Variants in FNDC1 observed in about 807,000 individuals in gnomAD.
FNDC1 encodes fibronectin type III domain-containing protein 1.
Under a neutral mutation model 168.0 loss-of-function variants are expected in FNDC1, and 96 were observed. The observed-to-expected ratio is 0.57, with a 90% CI of 0.48 to 0.68. FNDC1 has a LOEUF of 0.68. Ranked by LOEUF, FNDC1 falls within the 30% of genes least tolerant of loss-of-function variation. The probability of loss-of-function intolerance (pLI) is 0.00; values close to 1 mark genes in which losing one functional copy is unlikely to be tolerated. For synonymous variants in FNDC1, 1,099 were observed against 1,025.9 expected (o/e 1.07, Z -1.36); for missense variants, 2,587 against 2,482.1 (o/e 1.04, Z -0.90).
intron 4 of FNDC1, among the ~76,000 whole-genome samples, chr6:159,207,098 G>T (rs189217314): frequency 1.3e-5 from 2 of 152,150 alleles, no homozygotes; most frequent in Non-Finnish European, 2.9e-5. Flanking sequence ...AGTCCCTGCT[G>T]GCACCCCCCC....
At chr6:159,251,250 C>T in intron 16 of FNDC1, 52 bp from the exon 17 acceptor site, 1 of 1,358,374 alleles carries the variant, frequency 7.4e-7, no homozygotes, top group Non-Finnish European at 1.0e-6. Flanking sequence ...TATGTTTCTG[C>T]CTCCAGAAAA....
Position 159,200,046 on chromosome 6 carries a change from G to T in FNDC1, c.355G>T (p.Val119Leu). The T allele has an allele frequency of 6.2e-7, 1 of 1,605,224 alleles. No individual in the cohort carries two copies. Among genetic ancestry groups the T allele is most frequent in the Non-Finnish European group, 8.5e-7 (1 of 1,175,688 alleles). ...VLLTAENHSG[V>L]SRPVYRAESP... is the part of the protein sequence containing the mutation. The stretch of plus-strand genomic sequence containing the variant: ...GCTTACTGCAGAAAACCACAGTGGA[G>T]TGAGCCGTCCTGTTTACAGAGCTGA... The change falls in exon 3 of 23, where the codon GTG becomes TTG. Residue 119 changes from valine to leucine, a missense_variant. Transcript: ENST00000297267.
intron 1 of FNDC1, among the ~76,000 whole-genome samples, chr6:159,193,530 C>G (rs957268146): frequency 5.3e-5 from 8 of 152,088 alleles, no homozygotes; most frequent in Non-Finnish European, 1.0e-4. Context: ...TATGGTGCCC[C>G]ATCTACTATG....
At chr6:159,264,411 A>G (rs111959065) in intron 19 of FNDC1, among the ~76,000 whole-genome samples, 2 of 152,232 alleles carry the variant, frequency 1.3e-5, no homozygotes, top group African/African-American at 4.8e-5. Context: ...TGTGTGTATC[A>G]GTAGTTCACT....
intron 5 of FNDC1, among the ~76,000 whole-genome samples, chr6:159,215,435 G>T (rs899325798): frequency 4.6e-5 from 7 of 152,188 alleles, no homozygotes; most frequent in Non-Finnish European, 8.8e-5. Context: ...GGACTTGAGA[G>T]TAGGGCCAGT....
chr6:159,232,490 A>G lies in FNDC1; in HGVS notation c.1978A>G (p.Lys660Glu), dbSNP rs748037410. The G allele has an allele frequency of 3.7e-6, 6 of 1,612,184 alleles. No individual in the cohort carries two copies. Among genetic ancestry groups the G allele is most frequent in the Non-Finnish European group, 5.1e-6 (6 of 1,179,278 alleles). ...DERAVGSLHP[K>E]GAFAQPRPAL... ...GCGCGCTGTGGGCTCCCTCCACCCCAAGGGCGCCTTCGCCCAGCCCCGGCC... is the reference window on the plus strand; with the variant it reads ...GCGCGCTGTGGGCTCCCTCCACCCCGAGGGCGCCTTCGCCCAGCCCCGGCC... The change falls in exon 11 of 23, where the codon AAG becomes GAG. Residue 660 changes from lysine (K) to glutamate (E), a missense_variant. Physicochemically the swap from Lys to Glu is moderately conservative, Grantham distance 56. Coordinates refer to ENST00000297267, the MANE Select transcript of FNDC1 (RefSeq NM_032532.3). This position sits in a 1 kb window ranked among gnomAD's most constrained non-coding sequence, Gnocchi z 4.9.
rs143420843 is a variant in FNDC1, at chr6:159,269,401, CTATGTATG to C, written c.5569+1494_5569+1501del. ...CCCATCCATATATCTATCCATCTGT[CTATGTATG>C]TATGTATGTATGTATGTAGGTATCC... On this transcript the variant is annotated intron_variant, in intron 22 of 22. Coordinates refer to ENST00000297267, the MANE Select transcript of FNDC1 (RefSeq NM_032532.3). Among the ~76,000 whole-genome samples the C allele has an allele frequency of 1.6e-3, 55 of 35,392 alleles. 6 individuals carry two copies. Among genetic ancestry groups the C allele is most frequent in the African/African-American group, 2.6e-3 (51 of 19,968 alleles). 23.2% of individuals were successfully genotyped at this position (35,392 alleles called of 152,430 possible).
intron 3 of FNDC1, among the ~76,000 whole-genome samples, chr6:159,200,295 A>G (rs1782348107): frequency 2.0e-5 from 3 of 152,270 alleles, no homozygotes; most frequent in Non-Finnish European, 4.4e-5. Context: ...TTAGCATTTC[A>G]TCCAGATGTT....
rs749930237 is a variant in FNDC1 at position 159,239,591 on chromosome 6, G to T, written c.4255G>T (p.Ala1419Ser). Residue 1419 changes from alanine (A) to serine (S), a missense_variant, in exon 14 of 23, where the codon GCC becomes TCC. Ala to Ser is a moderately conservative substitution (Grantham distance 99). Transcript: ENST00000297267. ...GCAGGGGCGACATGGCACACCTCTGGCCAATGCCCAAGATAAGCCAATTTT... is the reference window on the plus strand; with the variant it reads ...GCAGGGGCGACATGGCACACCTCTGTCCAATGCCCAAGATAAGCCAATTTT... ...FGQGRHGTPL[A>S]NAQDKPILSL... 3 of 1,592,652 alleles carry T rather than the reference G, an allele frequency of 1.9e-6. No individual in the cohort carries two copies.
At chr6:159,241,205 G>A (rs1783413216) in intron 14 of FNDC1, 1 of 152,150 alleles carries the variant, frequency 6.6e-6, no homozygotes, top group South Asian at 2.1e-4. Flanking sequence ...ATTGACATCT[G>A]ACCTCTGCAT....
intron 4 of FNDC1, among the ~76,000 whole-genome samples, chr6:159,206,983 G>A: frequency 6.6e-6 from 1 of 152,204 alleles, no homozygotes; most frequent in Non-Finnish European, 1.5e-5. Context: ...GCTAGTTGTA[G>A]AGCCCATTCT....
intron 12 of FNDC1, 71 bp from the exon 13 acceptor site, chr6:159,238,483 C>A: frequency 2.0e-6 from 2 of 992,398 alleles, no homozygotes; most frequent in South Asian, 1.5e-5. Flanking sequence ...GGGGTATATA[C>A]ATATATAATT....
intron 1 of FNDC1, among the ~76,000 whole-genome samples, chr6:159,174,147 T>A (rs780466351): frequency 1.3e-5 from 2 of 152,250 alleles, no homozygotes; most frequent in South Asian, 2.1e-4. Flanking sequence ...TGTATGTATT[T>A]ACTTGTAACT....
intron 15 of FNDC1, among the ~76,000 whole-genome samples, chr6:159,247,266 G>A (rs1777157941): frequency 6.6e-6 from 1 of 151,830 alleles, no homozygotes; most frequent in Admixed American, 6.6e-5. Flanking sequence ...GAATTCTGGA[G>A]TTATCCATCT....
intron 14 of FNDC1, among the ~76,000 whole-genome samples, chr6:159,242,388 T>G (rs1207402081): frequency 6.6e-6 from 1 of 152,166 alleles, no homozygotes; most frequent in South Asian, 2.1e-4. Context: ...CATGCAGGGC[T>G]TAATACTTAG....
At chr6:159,188,632 C>T (rs1008469438) in intron 1 of FNDC1, among the ~76,000 whole-genome samples, 7 of 151,956 alleles carry the variant, frequency 4.6e-5, no homozygotes, top group South Asian at 2.1e-4. Context: ...CCTGCCTCGG[C>T]CTCCCAAAGT....
intron 1 of FNDC1, 76 bp from the exon 2 acceptor site, chr6:159,197,355 A>G: frequency 7.5e-7 from 1 of 1,335,476 alleles, no homozygotes; most frequent in Non-Finnish European, 1.0e-6. Context: ...TTTCCTAACA[A>G]TATCAAAGAC....
chr6:159,270,263 C>A (rs1334809010), intron 22 of FNDC1, among the ~76,000 whole-genome samples: 2 of 152,090 alleles, frequency 1.3e-5, no homozygotes, highest in South Asian at 2.1e-4. Context: ...GGTAACATAG[C>A]AAGATCTTAT....
intron 15 of FNDC1, among the ~76,000 whole-genome samples, chr6:159,247,629 G>T (rs1453925546): frequency 5.3e-5 from 8 of 152,146 alleles, no homozygotes; most frequent in African/African-American, 1.2e-4. Flanking sequence ...CACACCTGTA[G>T]GTCCAGCTAC....
Sources: gnomAD v4.1 joint callset for allele counts (sites outside exome capture counted in the v4.1 genomes callset) on GRCh38, gnomAD v4.1.1 for gene constraint, Gnocchi (gnomAD v3.1) non-coding constraint, MANE v1.5 for transcripts, NCBI Gene and HGNC (gene_info 2026-07-23, HGNC 2026-07-21) for gene names.